The following KIF1B variants were observed in gnomAD, a reference collection of about 807,000 sequenced individuals.
KIF1B encodes the protein kinesin-like protein KIF1B.
A neutral mutation model predicts 241.9 loss-of-function variants in KIF1B; 76 were observed. The ratio of observed to expected loss-of-function variants is 0.31; its 90% CI spans 0.26 to 0.38. KIF1B has a LOEUF of 0.38. Among genes scored for constraint, KIF1B ranks in the 10% least tolerant of loss-of-function variants. The pLI, the probability that KIF1B is intolerant of heterozygous loss-of-function variation, is 1.00. For synonymous variants in KIF1B, 750 were observed against 796.7 expected (o/e 0.94, Z 0.99); for missense variants, 1,622 against 2,271.4 (o/e 0.71, Z 5.81).
rs1431922899 is a variant in KIF1B at position 10,334,614 on chromosome 1, C to T, written c.3019C>T (p.Arg1007Cys). The change falls in exon 28 of 49, where the codon CGT becomes TGT. Residue 1007 changes from arginine (R) to cysteine (C), a missense_variant. Arg to Cys is a radical substitution (Grantham distance 180). Coordinates refer to ENST00000676179, the MANE Select transcript of KIF1B (RefSeq NM_001365951.3). The stretch of plus-strand genomic sequence containing the variant: ...GAAAGGTGAAGTGCGGGGATTTCTG[C>T]GTGTGGCTGTACAGGCCATCGCAGG... ...SEKGEVRGFL[R>C]VAVQAIAADE... 11 of 1,613,640 alleles carry T rather than the reference C, an allele frequency of 6.8e-6. No homozygotes were observed. The highest frequency in any genetic ancestry group is 4.5e-5 in the East Asian group (2 of 44,880).
chr1:10,215,937 T>C (rs1399348449), intron 1 of KIF1B, among the ~76,000 whole-genome samples: 1 of 152,216 alleles, frequency 6.6e-6, no homozygotes, highest in Admixed American at 6.5e-5. Context: ...TCAATGACTA[T>C]GTAAATAAAC....
chr1:10,253,026 A>ATTGGTT (rs1647554862), intron 2 of KIF1B, among the ~76,000 whole-genome samples: 2 of 152,170 alleles, frequency 1.3e-5, no homozygotes, highest in Non-Finnish European at 2.9e-5. Context: ...TGCCTGGCCA[A>ATTGGTT]TAAAGAGAAT....
At chr1:10,305,248 C>T (rs545171903) in intron 22 of KIF1B, 40 of 1,042,130 alleles carry the variant, frequency 3.8e-5, no homozygotes, top group Non-Finnish European at 4.4e-5. Flanking sequence ...ACAACTTCCA[C>T]GTCTTCTTTT....
intron 33 of KIF1B, 54 bp downstream of exon 33, chr1:10,342,222 C>G: frequency 1.8e-6 from 2 of 1,096,020 alleles, no homozygotes; most frequent in Non-Finnish European, 1.4e-6. Context: ...TTTTTAGTTT[C>G]TCAATTGCTG....
rs1327713876 is a variant in KIF1B at position 10,337,734 on chromosome 1, A to G, written c.3422+201A>G. ...CTGGAATGCAACAGGGTTCCCTGGC[A>G]GGAGGAGCATGCTGCACATCCTGCT... On this transcript the variant is annotated intron_variant, in intron 31 of 48. Coordinates refer to ENST00000676179, the MANE Select transcript of KIF1B (RefSeq NM_001365951.3). This position sits in a 1 kb window ranked among gnomAD's most constrained non-coding sequence, Gnocchi z 4.0. Among the ~76,000 whole-genome samples the G allele has an allele frequency of 6.6e-6, 1 of 152,190 alleles. No individual in the cohort carries two copies. Among genetic ancestry groups the G allele is most frequent in the Non-Finnish European group, 1.5e-5 (1 of 68,028 alleles).
intron 2 of KIF1B, among the ~76,000 whole-genome samples, chr1:10,251,756 T>C (rs1484725831): frequency 6.6e-6 from 1 of 151,944 alleles, no homozygotes; most frequent in Non-Finnish European, 1.5e-5. Context: ...AGCTTTATCA[T>C]TTATTTTTTG....
intron 1 of KIF1B, among the ~76,000 whole-genome samples, chr1:10,217,398 G>A (rs1646783831): frequency 6.7e-6 from 1 of 148,490 alleles, no homozygotes; most frequent in Admixed American, 6.8e-5. Context: ...GGGGTGCAGA[G>A]GCACAATCTC....
At position 10,275,504 on chromosome 1, in the gene KIF1B, G is replaced by T; in HGVS notation, c.958+1G>T. 2 of 1,519,000 alleles carry T rather than the reference G, an allele frequency of 1.3e-6. No homozygotes were observed. The highest frequency in any genetic ancestry group is 1.8e-6 in the Non-Finnish European group (2 of 1,093,780). 94.1% of individuals were successfully genotyped at this position (1,519,000 alleles called of 1,614,324 possible). On this transcript the variant is annotated splice_donor_variant, in intron 11 of 48. Transcript: ENST00000676179. LOFTEE classifies it high-confidence loss of function. ...ACTTGGCTCCTTCGAGAAAATTTAG[G>T]TATGTTGACCACTAGTGAAAAGTAG...
intron 1 of KIF1B, 133 bp from the exon 2 acceptor site, chr1:10,232,116 CG>C: frequency 3.9e-6 from 2 of 517,766 alleles, no homozygotes; most frequent in South Asian, 4.2e-5. Context: ...AAGATTTGCA[CG>C]GGAGAAAAGG....
At position 10,334,449 on chromosome 1, in the gene KIF1B, T is replaced by C. The variant is rs142203562; in HGVS notation, c.2925-71T>C. On this transcript the variant is annotated intron_variant, in intron 27 of 48. Coordinates refer to ENST00000676179, the MANE Select transcript of KIF1B (RefSeq NM_001365951.3). Reference sequence around the variant, plus strand: ...AGCTCACAGTTGCAGGAAGATGTTCTCAGTGAATCTGAAAGCCAGTTTATC... The same window carrying C: ...AGCTCACAGTTGCAGGAAGATGTTCCCAGTGAATCTGAAAGCCAGTTTATC... 1.2e-3 allele frequency: 1,380 copies of C among 1,126,754 alleles called. 14 individuals are homozygous for C. In the African/African-American group the frequency reaches 0.019, roughly 15 times the overall value. 69.8% of individuals were successfully genotyped at this position (1,126,754 alleles called of 1,614,324 possible). A position where few individuals can be genotyped will look rare whatever the true frequency, so the allele number is the denominator to read the frequency against.
intron 43 of KIF1B, among the ~76,000 whole-genome samples, chr1:10,368,090 GCTTTAT>G (rs577876292): frequency 5.8e-4 from 88 of 152,098 alleles, no homozygotes; most frequent in African/African-American, 1.7e-3. Flanking sequence ...TAAGCCACTT[GCTTTAT>G]CTTTATTAGA....
At chr1:10,309,842 C>T (rs1041153384) in intron 22 of KIF1B, among the ~76,000 whole-genome samples, 1 of 151,524 alleles carries the variant, frequency 6.6e-6, no homozygotes, top group African/African-American at 2.5e-5. Context: ...CATGTTTTGG[C>T]TGCTTACCTA....
chr1:10,326,038 C>G lies in KIF1B; in HGVS notation c.2676-73C>G. 6.3e-7 allele frequency: 1 copy of G among 1,585,182 alleles called. No individual in the cohort carries two copies. The highest frequency in any genetic ancestry group is 2.2e-5 in the East Asian group (1 of 44,784). Reference sequence around the variant, plus strand: ...CCCAGTGGATTCTGTCCTGTTAGCACCTATTGCTTCCTGTTTAACCAACTA... The same window carrying G: ...CCCAGTGGATTCTGTCCTGTTAGCAGCTATTGCTTCCTGTTTAACCAACTA... On this transcript the variant is annotated intron_variant, in intron 26 of 48. Transcript: ENST00000676179. The surrounding 1 kb of genome is among the most constrained non-coding windows in gnomAD (Gnocchi z 5.2).
Position 10,360,972 on chromosome 1 carries a change from A to G in KIF1B, c.4099A>G (p.Asn1367Asp), listed in dbSNP as rs1361959735. ...GGCTGTGTGGGATAGCTCTCTGCAT[A>G]ACTCCCTTCTTCTGAACCGAGTGAC... Reference protein sequence around the residue: ...FEAVWDSSLHNSLLLNRVTPY... With the variant: ...FEAVWDSSLHDSLLLNRVTPY... The change falls in exon 39 of 49, where the codon AAC becomes GAC. Residue 1367 changes from asparagine (N) to aspartate (D), a missense_variant. Physicochemically the swap from Asn to Asp is conservative, Grantham distance 23 (BLOSUM62 1). Transcript: ENST00000676179. The G allele has an allele frequency of 3.7e-6, 6 of 1,614,064 alleles. No individual in the cohort carries two copies. Among genetic ancestry groups the G allele is most frequent in the Non-Finnish European group, 5.1e-6 (6 of 1,179,994 alleles).
intron 27 of KIF1B, among the ~76,000 whole-genome samples, chr1:10,328,067 G>A (rs1377608694): frequency 1.3e-5 from 2 of 152,148 alleles, no homozygotes; most frequent in African/African-American, 4.8e-5. Context: ...GTGCATGCCT[G>A]TAGTCCCAGC....
Position 10,374,548 on chromosome 1 carries a change from G to GTCTGTACTGTAGTCTGATGCAA in KIF1B, c.5096+106_5096+127dup, listed in dbSNP as rs1470576403. ...TGACTGGCCAGCTCTTCCCTGTGAG[G>GTCTGTACTGTAGTCTGATGCAA]TCTGTACTGTAGTCTGATGCAATCT... On this transcript the variant is annotated intron_variant, in intron 46 of 48. Transcript: ENST00000676179. The surrounding 1 kb of genome is among the most constrained non-coding windows in gnomAD (Gnocchi z 4.3). 4.8e-6 allele frequency: 7 copies of GTCTGTACTGTAGTCTGATGCAA among 1,455,446 alleles called. No individual in the cohort carries two copies. Among genetic ancestry groups the GTCTGTACTGTAGTCTGATGCAA allele is most frequent in the African/African-American group, 1.4e-5 (1 of 71,828 alleles). The allele number at this position is 1,455,446 out of a possible 1,614,324, so 90.2% of individuals were successfully genotyped here.
rs1003622039 is a variant in KIF1B, at chr1:10,305,539, G to A, written c.2115+8293G>A. The A allele has an allele frequency of 5.3e-5, 56 of 1,059,876 alleles. No individual in the cohort carries two copies. The African/African-American group carries it at 8.4e-4, about 16-fold the overall frequency. 65.7% of individuals were successfully genotyped at this position (1,059,876 alleles called of 1,614,324 possible). On this transcript the variant is annotated intron_variant, in intron 22 of 48. Coordinates refer to ENST00000676179, the MANE Select transcript of KIF1B (RefSeq NM_001365951.3). ...AGGTGGGACAGACATGGGGGACAAAGCTACAGCATATGGCTCTGTGGTGCT... is the reference window on the plus strand; with the variant it reads ...AGGTGGGACAGACATGGGGGACAAAACTACAGCATATGGCTCTGTGGTGCT...
chr1:10,320,486 CTG>C (rs1651476862), intron 23 of KIF1B, among the ~76,000 whole-genome samples: 1 of 152,142 alleles, frequency 6.6e-6, no homozygotes, highest in South Asian at 2.1e-4. Context: ...TTAAGACAGT[CTG>C]TTCAATTTGA....
At position 10,292,121 on chromosome 1, in the gene KIF1B, A is replaced by C; in HGVS notation, c.1589A>C (p.Lys530Thr). 6.2e-7 allele frequency: 1 copy of C among 1,612,920 alleles called. No individual in the cohort carries two copies. The highest frequency in any genetic ancestry group is 8.5e-7 in the Non-Finnish European group (1 of 1,178,964). ...GGTLGVFSPK[K>T]TPHLVNLNED... The stretch of plus-strand genomic sequence containing the variant: ...ACCCTAGGGGTTTTCTCACCTAAAA[A>C]GGTAGGAAACAATGCTGTGAAACCT... The change falls in exon 17 of 49, where the codon AAG (lysine) becomes ACG (threonine). Residue 530 changes from lysine to threonine, a missense_variant and splice_region_variant. Lys to Thr is a moderately conservative substitution (Grantham distance 78). Around this residue, in one of 7 missense-constraint regions of KIF1B, gnomAD observed 57 missense variants for 149.0 expected, o/e 0.38. Coordinates refer to ENST00000676179, the MANE Select transcript of KIF1B (RefSeq NM_001365951.3).
Sources: allele counts gnomAD v4.1 joint callset (sites outside exome capture counted in the v4.1 genomes callset), GRCh38; gene constraint gnomAD v4.1.1; regional missense constraint gnomAD v4.1.1; non-coding constraint Gnocchi (gnomAD v3.1); transcripts MANE v1.5; gene names NCBI Gene and HGNC (gene_info 2026-07-23, HGNC 2026-07-21).